Variants in CADM2 observed in about 807,000 individuals in gnomAD.
CADM2 encodes the protein cell adhesion molecule 2, also known as immunoglobulin superfamily member 4D.
In CADM2, 12 loss-of-function variants were observed where a neutral mutation model predicts 49.8. The observed-to-expected ratio is 0.24, with a 90% CI of 0.15 to 0.39. CADM2 has a LOEUF of 0.39. CADM2 is among the 10% of genes least tolerant of loss of function. The probability of loss-of-function intolerance (pLI) is 1.00; values close to 1 mark genes in which losing one functional copy is unlikely to be tolerated. For synonymous variants in CADM2, 214 were observed against 175.4 expected (o/e 1.22, Z -1.74); for missense variants, 378 against 492.3 (o/e 0.77, Z 2.20).
At chr3:84,978,454 G>T (rs1009202963) in intron 1 of CADM2, among the ~76,000 whole-genome samples, 1 of 152,086 alleles carries the variant, frequency 6.6e-6, no homozygotes. Flanking sequence ...CTTAATATTA[G>T]TAATGATTGA....
intron 1 of CADM2, among the ~76,000 whole-genome samples, chr3:85,528,994 T>A (rs2061235819): frequency 6.6e-6 from 1 of 152,202 alleles, no homozygotes. Flanking sequence ...TAGAAAACTT[T>A]ACATGTATCA....
At chr3:85,094,611 C>T (rs1056827016) in intron 1 of CADM2, among the ~76,000 whole-genome samples, 1 of 151,992 alleles carries the variant, frequency 6.6e-6, no homozygotes, top group Non-Finnish European at 1.5e-5. Flanking sequence ...TGATAACTTT[C>T]AATATAAACT....
At chr3:85,726,344 A>C (rs992389794) in intron 1 of CADM2, 178 bp from the exon 2 acceptor site, 17 of 639,708 alleles carry the variant, frequency 2.7e-5, no homozygotes, top group Non-Finnish European at 4.4e-5. Context: ...CAAGGATCTT[A>C]CTCATAACAC....
chr3:85,029,056 A>G (rs997180002), intron 1 of CADM2, among the ~76,000 whole-genome samples: 2 of 151,906 alleles, frequency 1.3e-5, no homozygotes, highest in Admixed American at 6.6e-5. Flanking sequence ...CTCTATTTAC[A>G]AATTATAGAC....
At chr3:85,078,403 T>G (rs1175592962) in intron 1 of CADM2, among the ~76,000 whole-genome samples, 3 of 151,964 alleles carry the variant, frequency 2.0e-5, no homozygotes, top group Non-Finnish European at 4.4e-5. Flanking sequence ...CACCAGCTTT[T>G]CAGAGCTAAG....
At chr3:85,789,538 C>T (rs1352397889) in intron 2 of CADM2, among the ~76,000 whole-genome samples, 3 of 152,070 alleles carry the variant, frequency 2.0e-5, no homozygotes. Context: ...GCTTTGGATT[C>T]TTTCACATTA....
At chr3:85,926,571 T>C (rs1000534501) in intron 6 of CADM2, among the ~76,000 whole-genome samples, 3 of 152,218 alleles carry the variant, frequency 2.0e-5, no homozygotes, top group African/African-American at 7.2e-5. Flanking sequence ...AATATTGCGA[T>C]AAGGCAAAGA....
At chr3:85,864,842 C>A (rs2075665807) in intron 3 of CADM2, among the ~76,000 whole-genome samples, 1 of 152,018 alleles carries the variant, frequency 6.6e-6, no homozygotes, top group Non-Finnish European at 1.5e-5. Flanking sequence ...TTGAATATTC[C>A]TTGGAAGCTA....
intron 1 of CADM2, among the ~76,000 whole-genome samples, chr3:85,398,785 T>C (rs556607465): frequency 6.6e-6 from 1 of 152,372 alleles, no homozygotes; most frequent in Admixed American, 6.5e-5. Flanking sequence ...AATGTGTCTG[T>C]TGGCTGCATA....
chr3:85,568,441 T>C (rs1275615368), intron 1 of CADM2, among the ~76,000 whole-genome samples: 35 of 27,488 alleles, frequency 1.3e-3, no homozygotes, highest in African/African-American at 4.3e-3. Context: ...CTTTCTTTCT[T>C]TCTTTCTTTC....
At chr3:85,652,411 G>C (rs2065068684) in intron 1 of CADM2, among the ~76,000 whole-genome samples, 1 of 152,126 alleles carries the variant, frequency 6.6e-6, no homozygotes, top group Admixed American at 6.5e-5. Context: ...GCTCACCTTA[G>C]CTGGGTCCTA....
chr3:85,352,559 G>C (rs2031453856), intron 1 of CADM2, among the ~76,000 whole-genome samples: 1 of 151,954 alleles, frequency 6.6e-6, no homozygotes, highest in South Asian at 2.1e-4. Flanking sequence ...GTCTGACTTT[G>C]TTTACTTTGG....
intron 1 of CADM2, among the ~76,000 whole-genome samples, chr3:85,579,628 T>C (rs2062736857): frequency 6.6e-6 from 1 of 152,126 alleles, no homozygotes; most frequent in African/African-American, 2.4e-5. Flanking sequence ...AATGGTAAAA[T>C]TCAGTTCTTA....
At chr3:86,047,085 A>G (rs1409994706) in intron 8 of CADM2, among the ~76,000 whole-genome samples, 2 of 152,068 alleles carry the variant, frequency 1.3e-5, no homozygotes, top group African/African-American at 4.8e-5. Context: ...CTAGGCTGCT[A>G]TGAAATTAAG....
chr3:85,753,595 T>G, intron 2 of CADM2, among the ~76,000 whole-genome samples: 1 of 152,150 alleles, frequency 6.6e-6, no homozygotes, highest in East Asian at 1.9e-4. Context: ...CTAGTCTACC[T>G]TCTCAAGTAC....
chr3:85,072,193 T>C (rs1435733204), intron 1 of CADM2, among the ~76,000 whole-genome samples: 2 of 151,964 alleles, frequency 1.3e-5, no homozygotes, highest in African/African-American at 2.4e-5. Flanking sequence ...AAATGATAAA[T>C]GTAAATCTAT....
chr3:86,020,284 C>G (rs1183578170), intron 8 of CADM2, among the ~76,000 whole-genome samples: 1 of 151,276 alleles, frequency 6.6e-6, no homozygotes, highest in Non-Finnish European at 1.5e-5. Context: ...AAGACTAAAC[C>G]AGGAAGAAGT....
chr3:85,296,035 G>A (rs1158273127), intron 1 of CADM2, among the ~76,000 whole-genome samples: 27 of 151,950 alleles, frequency 1.8e-4, no homozygotes, highest in Admixed American at 1.7e-3. Context: ...CTAAAGCTCA[G>A]TATGAAATCT....
intron 1 of CADM2, among the ~76,000 whole-genome samples, chr3:85,601,092 C>A (rs2063378908): frequency 7.2e-6 from 1 of 138,580 alleles, no homozygotes; most frequent in African/African-American, 2.7e-5. Context: ...ATGTTAAGTG[C>A]AAAAAGTAAT....
Sources: gnomAD v4.1 joint callset for allele counts (sites outside exome capture counted in the v4.1 genomes callset) on GRCh38, gnomAD v4.1.1 for gene constraint, MANE v1.5 for transcripts, NCBI Gene and HGNC (gene_info 2026-07-23, HGNC 2026-07-21) for gene names.